Variants in ADAMTS12 observed in about 807,000 individuals in gnomAD.
ADAMTS12 encodes A disintegrin and metalloproteinase with thrombospondin motifs 12.
A neutral mutation model predicts 167.8 loss-of-function variants in ADAMTS12; 118 were observed. That is an observed-to-expected ratio of 0.70 (90% CI 0.61 to 0.82). ADAMTS12 has a LOEUF of 0.82. Among genes scored for constraint, ADAMTS12 ranks in the 40% least tolerant of loss-of-function variants. ADAMTS12 has a pLI of 0.00. For synonymous variants in ADAMTS12, 704 were observed against 716.9 expected (o/e 0.98, Z 0.29); for missense variants, 1,916 against 1,998.8 (o/e 0.96, Z 0.79).
intron 11 of ADAMTS12, among the ~76,000 whole-genome samples, chr5:33,639,094 TC>T (rs1358579905): frequency 6.6e-6 from 1 of 152,216 alleles, no homozygotes; most frequent in Non-Finnish European, 1.5e-5. Flanking sequence ...CAGTTTTTTT[TC>T]GTTTGTAAAA....
Position 33,595,949 on chromosome 5 carries a change from T to G in ADAMTS12, c.2639A>C (p.Lys880Thr), listed in dbSNP as rs766456964. Residue 880 changes from lysine to threonine, a missense_variant, in exon 17 of 24, where the codon AAG becomes ACG. Lys to Thr is a moderately conservative substitution (Grantham distance 78). Transcript: ENST00000504830. ...PNGRQKKCHE[K>T]ACPPRWWAGE... ...CGATGGTTACCTGGGTGGACAAGCC[T>G]TTTCATGGCACTTCTTCTGTCTCCC... 1 of 1,614,132 alleles carries G rather than the reference T, an allele frequency of 6.2e-7. No homozygotes were observed. The highest frequency in any genetic ancestry group is 8.5e-7 in the Non-Finnish European group (1 of 1,179,956).
chr5:33,734,706 C>A (rs1744310423), intron 3 of ADAMTS12, among the ~76,000 whole-genome samples: 1 of 152,172 alleles, frequency 6.6e-6, no homozygotes, highest in Non-Finnish European at 1.5e-5. Context: ...CAAAGGATGA[C>A]AACACCAAAG....
rs1459367681 is a variant in ADAMTS12 at position 33,764,179 on chromosome 5, GA to G, written c.490-12632del. Among the ~76,000 whole-genome samples, 9 of 152,282 alleles carry G rather than the reference GA, an allele frequency of 5.9e-5. No individual in the cohort carries two copies. In the South Asian group the frequency reaches 1.7e-3, roughly 28 times the overall value. On this transcript the variant is annotated intron_variant, in intron 2 of 23. Coordinates refer to ENST00000504830, the MANE Select transcript of ADAMTS12 (RefSeq NM_030955.4). The stretch of plus-strand genomic sequence containing the variant: ...CATACAAATGCATTTCCAGCGAGGA[GA>G]GACTACTTCTCAAGTCATCTATGAT...
At chr5:33,870,091 A>T (rs755856740) in intron 2 of ADAMTS12, among the ~76,000 whole-genome samples, 1 of 152,216 alleles carries the variant, frequency 6.6e-6, no homozygotes, top group Non-Finnish European at 1.5e-5. Context: ...CCAGGCACTC[A>T]GACCTAATGG....
chr5:33,751,727 T>C (rs1416004805), intron 2 of ADAMTS12, among the ~76,000 whole-genome samples, 179 bp from the exon 3 acceptor site: 2 of 152,248 alleles, frequency 1.3e-5, no homozygotes, highest in Non-Finnish European at 2.9e-5. Flanking sequence ...AATATCTTTA[T>C]AGTCATCGTT....
chr5:33,636,755 C>G (rs1032941532), intron 12 of ADAMTS12, among the ~76,000 whole-genome samples: 1 of 152,096 alleles, frequency 6.6e-6, no homozygotes, highest in Non-Finnish European at 1.5e-5. Flanking sequence ...ACAGGAAAAT[C>G]TTTTCTGTTT....
Position 33,573,727 on chromosome 5 carries a change from A to T in ADAMTS12, c.3972+2327T>A, listed in dbSNP as rs564685380. Among the ~76,000 whole-genome samples the T allele has an allele frequency of 7.9e-5, 12 of 152,340 alleles. No homozygotes were observed. The South Asian group carries it at 2.3e-3, about 29-fold the overall frequency. On this transcript the variant is annotated intron_variant, in intron 19 of 23. Transcript: ENST00000504830. Reference sequence around the variant, plus strand: ...TAAAATACCAAAAGCAATGGCAACAAAAGCCAAAATTGACAAATGGGATCT... The same window carrying T: ...TAAAATACCAAAAGCAATGGCAACATAAGCCAAAATTGACAAATGGGATCT...
rs533767182 is a variant in ADAMTS12, at chr5:33,749,226, T to C, written c.634+2178A>G. Among the ~76,000 whole-genome samples, 4 of 152,268 alleles carry C rather than the reference T, an allele frequency of 2.6e-5. 1 individual carries two copies. The highest frequency in any genetic ancestry group is 4.8e-5 in the African/African-American group (2 of 41,572). On this transcript the variant is annotated intron_variant, in intron 3 of 23. Coordinates refer to ENST00000504830, the MANE Select transcript of ADAMTS12 (RefSeq NM_030955.4). ...ACTGGGGAGGGAATACCTATTCTAA[T>C]AGGGCTTGTGAGAATTATTGATGAA...
chr5:33,768,507 A>C (rs567730692), intron 2 of ADAMTS12, among the ~76,000 whole-genome samples: 1 of 152,370 alleles, frequency 6.6e-6, no homozygotes, highest in East Asian at 1.9e-4. Context: ...TAAATCATGC[A>C]ACAGAATTGC....
rs769806675 is a variant in ADAMTS12 at position 33,648,844 on chromosome 5, G to T, written c.1457C>A (p.Ala486Asp). The change falls in exon 9 of 24, where the codon GCT (alanine) becomes GAT (aspartate). Residue 486 changes from alanine to aspartate, a missense_variant. Physicochemically the swap from Ala to Asp is moderately radical, Grantham distance 126. Transcript: ENST00000504830. The part of the protein sequence containing the change: ...HQCQLQYGPN[A>D]TFCQEVENVC... ...TACTTCTACTTCCTGGCAGAAGGTA[G>T]CATTGGGTCCATATTGTAGCTGGCA... The T allele has an allele frequency of 6.2e-7, 1 of 1,614,012 alleles. No individual in the cohort carries two copies. Among genetic ancestry groups the T allele is most frequent in the South Asian group, 1.1e-5 (1 of 91,064 alleles).
chr5:33,723,429 C>T (rs1447792033), intron 3 of ADAMTS12, among the ~76,000 whole-genome samples: 1 of 152,116 alleles, frequency 6.6e-6, no homozygotes, highest in Non-Finnish European at 1.5e-5. Flanking sequence ...CCTCTATCTC[C>T]AAATGTGCAT....
chr5:33,728,159 C>A (rs1173290763), intron 3 of ADAMTS12, among the ~76,000 whole-genome samples: 1 of 152,216 alleles, frequency 6.6e-6, no homozygotes, highest in African/African-American at 2.4e-5. Flanking sequence ...AGACCATCCT[C>A]TTCCCCTAGA....
chr5:33,856,740 GA>G, intron 2 of ADAMTS12, among the ~76,000 whole-genome samples: 1 of 152,174 alleles, frequency 6.6e-6, no homozygotes, highest in African/African-American at 2.4e-5. Context: ...TTATAAAAAA[GA>G]CCAGGGATAA....
At chr5:33,596,376 A>G (rs1282548658) in intron 16 of ADAMTS12, among the ~76,000 whole-genome samples, 2 of 152,136 alleles carry the variant, frequency 1.3e-5, no homozygotes, top group African/African-American at 4.8e-5. Flanking sequence ...TGGAAAACCA[A>G]ATGAGATTTA....
At chr5:33,731,336 C>T (rs545088612) in intron 3 of ADAMTS12, among the ~76,000 whole-genome samples, 46 of 152,174 alleles carry the variant, frequency 3.0e-4, no homozygotes, top group African/African-American at 1.0e-3. Context: ...CAGGTGTAAG[C>T]CACTGCACCC....
chr5:33,648,756 C>T, intron 9 of ADAMTS12, 66 bp downstream of exon 9: 2 of 1,589,038 alleles, frequency 1.3e-6, no homozygotes, highest in South Asian at 1.1e-5. Context: ...AAATATTGTC[C>T]TGGCCCTTCC....
At chr5:33,548,702 G>GCACACAAA (rs1745102421) in intron 21 of ADAMTS12, among the ~76,000 whole-genome samples, 1 of 148,868 alleles carries the variant, frequency 6.7e-6, no homozygotes, top group East Asian at 2.0e-4. Flanking sequence ...CATAAAGAGA[G>GCACACAAA]CACACACACA....
chr5:33,755,642 C>T (rs557970654), intron 2 of ADAMTS12, among the ~76,000 whole-genome samples: 22 of 152,286 alleles, frequency 1.4e-4, no homozygotes, highest in African/African-American at 4.6e-4. Context: ...GAGTCACCCA[C>T]CCCATGCTGT....
At chr5:33,819,858 A>C (rs1344862936) in intron 2 of ADAMTS12, among the ~76,000 whole-genome samples, 1 of 152,164 alleles carries the variant, frequency 6.6e-6, no homozygotes, top group Non-Finnish European at 1.5e-5. Context: ...CAAGGAAAGA[A>C]GCAGCTCACA....
Sources: gnomAD v4.1 joint callset for allele counts (sites outside exome capture counted in the v4.1 genomes callset) on GRCh38, gnomAD v4.1.1 for gene constraint, MANE v1.5 for transcripts, NCBI Gene and HGNC (gene_info 2026-07-23, HGNC 2026-07-21) for gene names.